Variants in FNBP1L observed in about 807,000 individuals in gnomAD.
The protein encoded by FNBP1L is formin binding protein 1 like, also known as formin-binding protein 1-like.
FNBP1L carries 36 observed loss-of-function variants against 91.2 expected under a neutral mutation model. That is an observed-to-expected ratio of 0.39 (90% CI 0.30 to 0.52). FNBP1L has a LOEUF of 0.52. Ranked by LOEUF, FNBP1L falls within the 20% of genes least tolerant of loss-of-function variation. FNBP1L has a pLI of 0.66. For synonymous variants in FNBP1L, 242 were observed against 237.0 expected (o/e 1.02, Z -0.19); for missense variants, 571 against 732.1 (o/e 0.78, Z 2.54).
chr1:93,549,699 C>G (rs1467336393), intron 15 of FNBP1L, among the ~76,000 whole-genome samples: 1 of 152,222 alleles, frequency 6.6e-6, no homozygotes. Context: ...AGAATTTTCA[C>G]CAGAGTCCTT....
rs1361768052 is a variant in FNBP1L, at chr1:93,549,415, A to T, written c.1640A>T (p.Tyr547Phe). 7 of 1,586,100 alleles carry T rather than the reference A, an allele frequency of 4.4e-6. No homozygotes were observed. Among genetic ancestry groups the T allele is most frequent in the Non-Finnish European group, 6.0e-6 (7 of 1,171,704 alleles). Reference protein sequence around the residue: ...LPAIGHCKAIYPFDGHNEGTL... With the variant: ...LPAIGHCKAIFPFDGHNEGTL... ...GCTATTGGACACTGCAAAGCTATCT[A>T]CCCTTTTGATGGTATGATTTTCTTA... Residue 547 changes from tyrosine (Y) to phenylalanine (F), a missense_variant, in exon 15 of 17, where the codon TAC becomes TTC. This residue lies in a region of FNBP1L where 189 missense variants were observed against 219.7 expected (regional missense o/e 0.86). Coordinates refer to ENST00000271234, the MANE Select transcript of FNBP1L (RefSeq NM_001164473.3).
rs199611646 is a variant in FNBP1L, at chr1:93,454,909, T to TTTTATTTATTTA, written c.24+6628_24+6639dup. Among the ~76,000 whole-genome samples the TTTTATTTATTTA allele has an allele frequency of 4.4e-4, 67 of 150,932 alleles. 1 individual carries two copies. The highest frequency in any genetic ancestry group is 1.3e-3 in the Admixed American group (20 of 15,158). On this transcript the variant is annotated intron_variant, in intron 1 of 16. Transcript: ENST00000271234. ...ATGTGCATATACTGTGCTGTTTTAT[T>TTTTATTTATTTA]TTTATTTATTTATTTATTTATTTAT...
At chr1:93,523,232 G>T (rs1671388883) in intron 3 of FNBP1L, 112 bp from the exon 4 acceptor site, 1 of 1,068,148 alleles carries the variant, frequency 9.4e-7, no homozygotes, top group African/African-American at 1.6e-5. Flanking sequence ...TAGTAGCTGA[G>T]ATTTAGGTTG....
chr1:93,536,164 T>A (rs900257490), intron 9 of FNBP1L, among the ~76,000 whole-genome samples, 168 bp from the exon 10 acceptor site: 23 of 152,140 alleles, frequency 1.5e-4, no homozygotes. Context: ...TTGATTTTTT[T>A]AAATAATAGT....
intron 15 of FNBP1L, 93 bp from the exon 16 acceptor site, chr1:93,550,854 A>G (rs559998362): frequency 2.5e-6 from 3 of 1,201,812 alleles, no homozygotes; most frequent in South Asian, 4.3e-5. Context: ...ATTGAAATCT[A>G]GTAGGGTTTC....
At chr1:93,517,831 A>G (rs1472021352) in intron 2 of FNBP1L, among the ~76,000 whole-genome samples, 1 of 152,194 alleles carries the variant, frequency 6.6e-6, no homozygotes, top group Non-Finnish European at 1.5e-5. Flanking sequence ...TATTTTAACC[A>G]TCTCTGGTGT....
chr1:93,549,465 G>C, intron 15 of FNBP1L, 39 bp downstream of exon 15: 2 of 1,471,252 alleles, frequency 1.4e-6, no homozygotes, highest in Non-Finnish European at 1.8e-6. Flanking sequence ...AAAAAAATTG[G>C]TTCTTTAAAA....
In FNBP1L at chr1:93,552,590, T is replaced by A. The variant is rs1672447572; in HGVS notation, c.*174T>A. ...CATTAGCATTTCCATACATTGTTTTTAAAAATCATAATACCAACCCTTAAG... is the reference window on the plus strand; with the variant it reads ...CATTAGCATTTCCATACATTGTTTTAAAAAATCATAATACCAACCCTTAAG... On this transcript the variant is annotated 3_prime_UTR_variant, in exon 17 of 17. Transcript: ENST00000271234. The A allele has an allele frequency of 1.8e-6, 1 of 557,472 alleles. No individual in the cohort carries two copies. Among genetic ancestry groups the A allele is most frequent in the Non-Finnish European group, 3.0e-6 (1 of 331,138 alleles). 34.5% of individuals were successfully genotyped at this position (557,472 alleles called of 1,614,324 possible). A position where few individuals can be genotyped will look rare whatever the true frequency, so the allele number is the denominator to read the frequency against.
chr1:93,506,457 C>T (rs1316039436), intron 2 of FNBP1L, among the ~76,000 whole-genome samples: 5 of 152,098 alleles, frequency 3.3e-5, no homozygotes, highest in Admixed American at 1.3e-4. Flanking sequence ...TGTTTTCTAT[C>T]GTTGGGTCAC....
intron 3 of FNBP1L, 95 bp from the exon 4 acceptor site, chr1:93,523,249 C>A: frequency 7.8e-7 from 1 of 1,289,654 alleles, no homozygotes; most frequent in Non-Finnish European, 1.0e-6. Context: ...GTTGAATATG[C>A]TAAAATTTGC....
chr1:93,448,359 G>C, intron 1 of FNBP1L, 54 bp downstream of exon 1: 1 of 1,464,628 alleles, frequency 6.8e-7, no homozygotes, highest in South Asian at 1.4e-5. Context: ...AGAAGCGCGG[G>C]TTGGGCGGGC....
intron 1 of FNBP1L, among the ~76,000 whole-genome samples, chr1:93,486,049 C>T (rs996628725): frequency 1.3e-5 from 2 of 152,066 alleles, no homozygotes; most frequent in African/African-American, 4.8e-5. Context: ...TGTAATTACT[C>T]CAGTTTTACA....
At chr1:93,494,668 G>A (rs578054073) in intron 1 of FNBP1L, among the ~76,000 whole-genome samples, 1 of 152,244 alleles carries the variant, frequency 6.6e-6, no homozygotes, top group East Asian at 1.9e-4. Flanking sequence ...AATCAGGGGT[G>A]GAGACCAAAT....
chr1:93,523,386 A>G lies in FNBP1L; in HGVS notation c.237A>G (p.Leu79=). The G allele has an allele frequency of 6.2e-7, 1 of 1,609,126 alleles. No individual in the cohort carries two copies. Among genetic ancestry groups the G allele is most frequent in the Non-Finnish European group, 8.5e-7 (1 of 1,177,466 alleles). The change falls in exon 4 of 17, where the codon TTA becomes TTG. Residue 79 remains leucine (L), a synonymous_variant. Transcript: ENST00000271234. ...CCTTTTTTAATATCCTTAATGAGTT[A>G]AATGACTATGCAGGACAGCGAGAAG... The part of the protein sequence containing the change: ...CVAFFNILNE[L]NDYAGQREVV...
chr1:93,456,170 GA>G (rs1209431086), intron 1 of FNBP1L, among the ~76,000 whole-genome samples: 1 of 151,822 alleles, frequency 6.6e-6, no homozygotes, highest in African/African-American at 2.4e-5. Flanking sequence ...TGGAGCCCAA[GA>G]AAAAAAATCT....
intron 1 of FNBP1L, among the ~76,000 whole-genome samples, chr1:93,453,673 A>G (rs986874359): frequency 3.3e-5 from 5 of 152,214 alleles, no homozygotes; most frequent in Admixed American, 2.0e-4. Context: ...CTTGGGGAAT[A>G]TATCTATAGA....
At chr1:93,529,948 T>G (rs191324410) in intron 6 of FNBP1L, among the ~76,000 whole-genome samples, 192 bp downstream of exon 6, 1 of 152,310 alleles carries the variant, frequency 6.6e-6, no homozygotes, top group East Asian at 1.9e-4. Context: ...GTTAATTTAT[T>G]ACAATATCTT....
At chr1:93,493,080 A>G (rs1015856223) in intron 1 of FNBP1L, among the ~76,000 whole-genome samples, 6 of 152,196 alleles carry the variant, frequency 3.9e-5, no homozygotes, top group Admixed American at 3.3e-4. Flanking sequence ...CCTGGGCAAC[A>G]TGGCAAAACC....
rs1467554987 is a variant in FNBP1L at position 93,552,476 on chromosome 1, G to A, written c.*60G>A. 7 of 1,601,486 alleles carry A rather than the reference G, an allele frequency of 4.4e-6. No homozygotes were observed. Among genetic ancestry groups the A allele is most frequent in the African/African-American group, 2.7e-5 (2 of 74,494 alleles). On this transcript the variant is annotated 3_prime_UTR_variant, in exon 17 of 17. Transcript: ENST00000271234. ...GGAGGTTACATGCAGCTGCTTTTGG[G>A]GGAGGGTATTAGAGTTGTCAGGCTC...
Sources: gnomAD v4.1 joint callset for allele counts (sites outside exome capture counted in the v4.1 genomes callset) on GRCh38, gnomAD v4.1.1 for gene constraint, gnomAD v4.1.1 regional missense constraint, MANE v1.5 for transcripts, NCBI Gene and HGNC (gene_info 2026-07-23, HGNC 2026-07-21) for gene names.